The following FCHSD2 variants were observed in gnomAD, a reference collection of about 807,000 sequenced individuals.
FCHSD2 encodes the protein FCH and double SH3 domains 2.
Under a neutral mutation model 108.1 loss-of-function variants are expected in FCHSD2, and 38 were observed. The observed-to-expected ratio is 0.35, with a 90% CI of 0.27 to 0.46. FCHSD2 has a LOEUF of 0.46. Ranked by LOEUF, FCHSD2 falls within the 20% of genes least tolerant of loss-of-function variation. The pLI, the probability that FCHSD2 is intolerant of heterozygous loss-of-function variation, is 1.00. For synonymous variants in FCHSD2, 279 were observed against 314.7 expected, an observed-to-expected ratio of 0.89 and a Z score of 1.20; for missense variants, 751 against 897.8, an observed-to-expected ratio of 0.84 and a Z score of 2.09.
chr11:72,999,152 G>A (rs1339931240), intron 5 of FCHSD2, among the ~76,000 whole-genome samples: 2 of 152,114 alleles, frequency 1.3e-5, no homozygotes, highest in African/African-American at 4.8e-5. Context: ...GCTTAAAGCA[G>A]TTTGAAGGAG....
chr11:72,843,763 A>G (rs553060071), intron 14 of FCHSD2: 1 of 513,122 alleles, frequency 1.9e-6, no homozygotes, highest in South Asian at 2.7e-5. Flanking sequence ...TCAAGAGGCA[A>G]TGACGTTCAA....
At chr11:73,067,508 T>A (rs905251578) in intron 3 of FCHSD2, among the ~76,000 whole-genome samples, 5 of 152,008 alleles carry the variant, frequency 3.3e-5, no homozygotes, top group Admixed American at 3.3e-4. Context: ...AAAATAGATA[T>A]GCTCTTAAAT....
chr11:72,884,910 A>C (rs1224907797), intron 12 of FCHSD2, among the ~76,000 whole-genome samples: 2 of 152,194 alleles, frequency 1.3e-5, no homozygotes, highest in Non-Finnish European at 2.9e-5. Context: ...ATTTTGTTTT[A>C]ATAGCAGGGT....
intron 13 of FCHSD2, among the ~76,000 whole-genome samples, chr11:72,851,933 G>C (rs1284287677): frequency 6.9e-6 from 1 of 145,742 alleles, no homozygotes; most frequent in East Asian, 2.2e-4. Flanking sequence ...CTGGAATGCA[G>C]TGACACAATC....
At chr11:73,019,934 C>G (rs1311325643) in intron 3 of FCHSD2, among the ~76,000 whole-genome samples, 3 of 152,054 alleles carry the variant, frequency 2.0e-5, no homozygotes, top group African/African-American at 7.2e-5. Flanking sequence ...AAATTTTTTT[C>G]AAATCATTCT....
intron 8 of FCHSD2, among the ~76,000 whole-genome samples, chr11:72,933,781 C>A (rs960071767): frequency 6.6e-6 from 1 of 152,092 alleles, no homozygotes; most frequent in African/African-American, 2.4e-5. Context: ...AATCCAAAAG[C>A]TGCATATATT....
chr11:72,937,199 A>G (rs1259666577), intron 8 of FCHSD2, among the ~76,000 whole-genome samples: 1 of 152,216 alleles, frequency 6.6e-6, no homozygotes, highest in African/African-American at 2.4e-5. Flanking sequence ...TGGGGAAACT[A>G]AAACAGAAGT....
At chr11:73,060,015 C>A (rs746555667) in intron 3 of FCHSD2, among the ~76,000 whole-genome samples, 2 of 152,204 alleles carry the variant, frequency 1.3e-5, no homozygotes, top group African/African-American at 2.4e-5. Flanking sequence ...ATTCCTCTAA[C>A]GTATACCTCC....
intron 17 of FCHSD2, 92 bp from the exon 18 acceptor site, chr11:72,841,675 TCTAAAG>T: frequency 7.6e-7 from 1 of 1,313,020 alleles, no homozygotes; most frequent in Non-Finnish European, 1.0e-6. Context: ...ATGCCTTTTC[TCTAAAG>T]CTAAGCTGAT....
chr11:72,864,607 AAAAT>A (rs10531783), intron 13 of FCHSD2, among the ~76,000 whole-genome samples: 35,401 of 152,026 alleles, frequency 0.23, 4,181 homozygotes, highest in Middle Eastern at 0.32. Context: ...TGTCAATTAA[AAAAT>A]AAATAAATAA....
At chr11:72,864,062 AATTT>A (rs1353181312) in intron 13 of FCHSD2, among the ~76,000 whole-genome samples, 1 of 152,242 alleles carries the variant, frequency 6.6e-6, no homozygotes, top group African/African-American at 2.4e-5. Context: ...CCAAAGTCAG[AATTT>A]ATTTATATGC....
intron 8 of FCHSD2, among the ~76,000 whole-genome samples, chr11:72,970,191 T>C (rs1856983121): frequency 6.6e-6 from 1 of 152,168 alleles, no homozygotes; most frequent in Admixed American, 6.5e-5. Context: ...GTTGAACAGA[T>C]AATACATATA....
intron 14 of FCHSD2, among the ~76,000 whole-genome samples, chr11:72,847,313 C>T (rs1861173237): frequency 6.6e-6 from 1 of 152,190 alleles, no homozygotes; most frequent in East Asian, 1.9e-4. Flanking sequence ...CTCTATTATC[C>T]TCACTGATGT....
chr11:72,840,771 T>A, intron 19 of FCHSD2, 106 bp downstream of exon 19: 1 of 783,164 alleles, frequency 1.3e-6, no homozygotes, highest in Admixed American at 2.2e-5. Flanking sequence ...TTCATCCTTG[T>A]TTGGCATAGT....
At chr11:72,991,320 C>T (rs1857410009) in intron 5 of FCHSD2, among the ~76,000 whole-genome samples, 1 of 152,272 alleles carries the variant, frequency 6.6e-6, no homozygotes, top group African/African-American at 2.4e-5. Context: ...TGAAACTATT[C>T]CAATCAATAG....
intron 8 of FCHSD2, among the ~76,000 whole-genome samples, chr11:72,935,219 A>AAG (rs1272229128): frequency 1.3e-5 from 2 of 152,172 alleles, no homozygotes; most frequent in Non-Finnish European, 2.9e-5. Flanking sequence ...TTTGAAGAAG[A>AAG]AGATTATGAT....
intron 4 of FCHSD2, among the ~76,000 whole-genome samples, chr11:73,005,968 C>CATGATCACAGCTTACT (rs1328053725): frequency 6.7e-6 from 1 of 148,990 alleles, no homozygotes; most frequent in Non-Finnish European, 1.5e-5. Context: ...GAGTGCATGG[C>CATGATCACAGCTTACT]ATGATCACAG....
At chr11:72,857,755 G>C (rs1490372433) in intron 13 of FCHSD2, among the ~76,000 whole-genome samples, 1 of 151,852 alleles carries the variant, frequency 6.6e-6, no homozygotes, top group African/African-American at 2.4e-5. Context: ...CGGCCAAAAT[G>C]CTTACTCTTA....
intron 9 of FCHSD2, among the ~76,000 whole-genome samples, chr11:72,911,026 T>C (rs1855754365): frequency 1.3e-5 from 2 of 152,216 alleles, no homozygotes; most frequent in South Asian, 4.1e-4. Context: ...ATTTTTGCTT[T>C]GGTTGCCTGT....
Sources: gnomAD v4.1 joint callset for allele counts (sites outside exome capture counted in the v4.1 genomes callset) on GRCh38, gnomAD v4.1.1 for gene constraint, MANE v1.5 for transcripts, NCBI Gene and HGNC (gene_info 2026-07-23, HGNC 2026-07-21) for gene names.